DGKB: variants seen among roughly 807,000 people sequenced by gnomAD.
DGKB encodes the protein diacylglycerol kinase beta.
Under a neutral mutation model 114.3 loss-of-function variants are expected in DGKB, and 67 were observed. The observed-to-expected ratio is 0.59, with a 90% CI of 0.48 to 0.72. The LOEUF is 0.72. DGKB is among the 30% of genes least tolerant of loss of function. The pLI, the probability that DGKB is intolerant of heterozygous loss-of-function variation, is 0.00. For missense variants in DGKB, 907 were observed against 975.2 expected (o/e 0.93, Z 0.93); for synonymous variants, 398 against 323.1 (o/e 1.23, Z -2.49).
chr7:14,947,511 AAG>A (rs749670392), intron 1 of DGKB, among the ~76,000 whole-genome samples: 16 of 151,800 alleles, frequency 1.1e-4, no homozygotes, highest in Non-Finnish European at 1.8e-4. Flanking sequence ...AAAGTCATAA[AAG>A]AGTCAATTTA....
At chr7:14,310,015 ATGGT>A (rs1431191737) in intron 23 of DGKB, among the ~76,000 whole-genome samples, 1 of 152,210 alleles carries the variant, frequency 6.6e-6, no homozygotes, top group Non-Finnish European at 1.5e-5. Context: ...AGCTGCTAGG[ATGGT>A]ACCTGGAAAA....
chr7:14,258,791 T>A lies in DGKB; in HGVS notation c.2122+79724A>T, dbSNP rs567994120. Among the ~76,000 whole-genome samples, 377 of 152,330 alleles carry A rather than the reference T, an allele frequency of 2.5e-3. 2 individuals carry two copies. The highest frequency in any genetic ancestry group is 8.7e-3 in the African/African-American group (360 of 41,572). On this transcript the variant is annotated intron_variant, in intron 23 of 25. Transcript: ENST00000402815. ...TATGTTATAAATGGAATAGTAATCA[T>A]ATAAAGGAATAAAAAAGAATCCATA...
At chr7:14,892,712 T>G (rs2128227142) in intron 1 of DGKB, among the ~76,000 whole-genome samples, 1 of 151,288 alleles carries the variant, frequency 6.6e-6, no homozygotes, top group African/African-American at 2.4e-5. Flanking sequence ...TTGTTCAAAC[T>G]CTACAGAGAA....
rs578133124 is a variant in DGKB, at chr7:14,654,744, C to G, written c.1134+18185G>C. Among the ~76,000 whole-genome samples the G allele has an allele frequency of 1.8e-3, 280 of 152,024 alleles. 1 individual carries two copies. The highest frequency in any genetic ancestry group is 3.0e-3 in the Non-Finnish European group (203 of 67,842). On this transcript the variant is annotated intron_variant, in intron 13 of 25. Transcript: ENST00000402815. The stretch of plus-strand genomic sequence containing the variant: ...ATCTATGTATTTTACAGTCAACTCA[C>G]TTTTGACATAGGCTCTAAGAACATA...
chr7:14,315,931 G>A (rs909343134), intron 23 of DGKB, among the ~76,000 whole-genome samples: 59 of 151,802 alleles, frequency 3.9e-4, no homozygotes, highest in Middle Eastern at 3.4e-3. Context: ...ATAACAAACT[G>A]TCTCTCAGAC....
intron 25 of DGKB, among the ~76,000 whole-genome samples, chr7:14,159,696 T>A (rs1270579061): frequency 1.3e-5 from 2 of 151,950 alleles, no homozygotes; most frequent in Non-Finnish European, 2.9e-5. Flanking sequence ...TGAGATGGAG[T>A]CTTGCTCTTG....
intron 2 of DGKB, among the ~76,000 whole-genome samples, chr7:14,808,485 T>C (rs1053061593): frequency 2.0e-5 from 3 of 151,902 alleles, no homozygotes; most frequent in Admixed American, 6.6e-5. Context: ...AAGATAAGAT[T>C]AACTAGAAAA....
intron 20 of DGKB, among the ~76,000 whole-genome samples, chr7:14,528,510 T>C (rs1791011832): frequency 6.6e-6 from 1 of 152,084 alleles, no homozygotes; most frequent in Non-Finnish European, 1.5e-5. Flanking sequence ...GATATAAAAA[T>C]TGCAAGTAAC....
intron 2 of DGKB, among the ~76,000 whole-genome samples, chr7:14,766,072 G>A (rs973381152): frequency 6.6e-6 from 1 of 151,862 alleles, no homozygotes; most frequent in Admixed American, 6.6e-5. Context: ...CAATAAATAG[G>A]TCTTTAAAGA....
intron 2 of DGKB, among the ~76,000 whole-genome samples, chr7:14,834,010 T>C (rs1438128028): frequency 2.0e-5 from 3 of 152,284 alleles, no homozygotes; most frequent in East Asian, 1.9e-4. Flanking sequence ...ATGAATACAG[T>C]TAAGTTCCTC....
At chr7:14,593,492 T>G (rs1420499919) in intron 17 of DGKB, among the ~76,000 whole-genome samples, 1 of 152,022 alleles carries the variant, frequency 6.6e-6, no homozygotes, top group East Asian at 1.9e-4. Flanking sequence ...TCTGAGTGAA[T>G]AGAAACACTA....
chr7:14,677,918 T>C (rs533775334), intron 12 of DGKB, among the ~76,000 whole-genome samples: 1 of 152,146 alleles, frequency 6.6e-6, no homozygotes, highest in East Asian at 1.9e-4. Context: ...AAAATTTCAT[T>C]CTAAGAGCCT....
At chr7:14,357,386 A>C (rs1011725140) in intron 21 of DGKB, among the ~76,000 whole-genome samples, 3 of 152,126 alleles carry the variant, frequency 2.0e-5, no homozygotes, top group Admixed American at 6.5e-5. Flanking sequence ...TTGTTGGTTT[A>C]AAGTCTGTTT....
chr7:14,672,889 G>C, intron 13 of DGKB, 40 bp downstream of exon 13: 1 of 1,230,366 alleles, frequency 8.1e-7, no homozygotes, highest in Non-Finnish European at 1.2e-6. Context: ...ATAAGTCACA[G>C]CAATCCTAAG....
intron 4 of DGKB, among the ~76,000 whole-genome samples, chr7:14,746,050 G>C (rs1315927214): frequency 1.3e-5 from 2 of 152,170 alleles, no homozygotes. Flanking sequence ...AGTGGTATAT[G>C]AAATCATTCA....
At chr7:14,306,416 G>C (rs974730610) in intron 23 of DGKB, among the ~76,000 whole-genome samples, 1 of 152,052 alleles carries the variant, frequency 6.6e-6, no homozygotes, top group Non-Finnish European at 1.5e-5. Context: ...ACAAGAGCCA[G>C]CTGGGGTTTT....
At chr7:14,283,944 A>T (rs1800392165) in intron 23 of DGKB, among the ~76,000 whole-genome samples, 1 of 152,298 alleles carries the variant, frequency 6.6e-6, no homozygotes, top group East Asian at 1.9e-4. Flanking sequence ...CATTCAGGAC[A>T]TAGGCATGGG....
chr7:14,377,770 G>A (rs1288206696), intron 21 of DGKB, among the ~76,000 whole-genome samples: 1 of 152,100 alleles, frequency 6.6e-6, no homozygotes, highest in Non-Finnish European at 1.5e-5. Context: ...ACTTTCCTGG[G>A]TCCCTGGGAT....
At chr7:14,754,187 G>A (rs1052062355) in intron 3 of DGKB, among the ~76,000 whole-genome samples, 9 of 152,098 alleles carry the variant, frequency 5.9e-5, no homozygotes, top group African/African-American at 9.7e-5. Context: ...AAAACTGCGT[G>A]GGGTCGGGGG....
Sources: allele counts gnomAD v4.1 joint callset (sites outside exome capture counted in the v4.1 genomes callset), GRCh38; gene constraint gnomAD v4.1.1; transcripts MANE v1.5; gene names NCBI Gene and HGNC (gene_info 2026-07-23, HGNC 2026-07-21).